The following EPHA6 variants were observed in gnomAD, a reference collection of about 807,000 sequenced individuals.
EPHA6 encodes ephrin type-A receptor 6.
EPHA6 carries 50 observed loss-of-function variants against 112.0 expected under a neutral mutation model. That is an observed-to-expected ratio of 0.45 (90% CI 0.36 to 0.56). The LOEUF is 0.56. EPHA6 is among the 20% of genes least tolerant of loss of function. The probability of loss-of-function intolerance (pLI) is 0.00; values close to 1 mark genes in which losing one functional copy is unlikely to be tolerated. For synonymous variants in EPHA6, 529 were observed against 490.7 expected (o/e 1.08, Z -1.03); for missense variants, 1,280 against 1,417.4 (o/e 0.90, Z 1.56).
At chr3:96,868,202 G>A (rs2107460896) in intron 2 of EPHA6, among the ~76,000 whole-genome samples, 1 of 151,522 alleles carries the variant, frequency 6.6e-6, no homozygotes. Flanking sequence ...GAGTGTGTGT[G>A]TGTGTGTGTG....
intron 1 of EPHA6, among the ~76,000 whole-genome samples, chr3:96,834,073 C>CA (rs1179097034): frequency 3.3e-5 from 5 of 151,644 alleles, no homozygotes; most frequent in African/African-American, 1.2e-4. Flanking sequence ...ATTTAAATGT[C>CA]AAAAAAAGCA....
intron 15 of EPHA6, among the ~76,000 whole-genome samples, chr3:97,720,956 A>T (rs1428974052): frequency 6.6e-6 from 1 of 152,206 alleles, no homozygotes; most frequent in African/African-American, 2.4e-5. Flanking sequence ...AATATTATAG[A>T]ACAGGAGAAT....
At chr3:97,617,270 G>A (rs2093774689) in intron 13 of EPHA6, among the ~76,000 whole-genome samples, 1 of 152,050 alleles carries the variant, frequency 6.6e-6, no homozygotes, top group South Asian at 2.1e-4. Context: ...AAGAGCTCCT[G>A]AAGGAAGCCT....
At chr3:97,339,700 T>TATTG (rs2083214437) in intron 5 of EPHA6, among the ~76,000 whole-genome samples, 1 of 152,186 alleles carries the variant, frequency 6.6e-6, no homozygotes, top group Non-Finnish European at 1.5e-5. Context: ...ATCAAACCTA[T>TATTG]ATTGGTACGA....
chr3:97,311,960 A>T lies in EPHA6; in HGVS notation c.1606+67673A>T, dbSNP rs186360979. 1.5e-3 allele frequency among the ~76,000 whole-genome samples: 222 copies of T among 151,808 alleles called. 1 individual carries two copies. The highest frequency in any genetic ancestry group is 5.1e-3 in the African/African-American group (211 of 41,518). Reference sequence around the variant, plus strand: ...AACAATATTTAGTCTTCCAATCACTATAGTTCATTTCTCCACATACTTAGA... The same window carrying T: ...AACAATATTTAGTCTTCCAATCACTTTAGTTCATTTCTCCACATACTTAGA... On this transcript the variant is annotated intron_variant, in intron 5 of 17. Coordinates refer to ENST00000389672, the MANE Select transcript of EPHA6 (RefSeq NM_001080448.3).
chr3:96,829,949 G>GCACACA (rs67227502), intron 1 of EPHA6, among the ~76,000 whole-genome samples: 16,967 of 135,786 alleles, frequency 0.12, 1,113 homozygotes, highest in Middle Eastern at 0.19. Context: ...GCGCGCGCGC[G>GCACACA]CACACACACA....
chr3:97,584,636 A>G (rs1250895476), intron 11 of EPHA6, among the ~76,000 whole-genome samples: 1 of 152,160 alleles, frequency 6.6e-6, no homozygotes, highest in Non-Finnish European at 1.5e-5. Context: ...AGAGAAGAGA[A>G]TAGCAAGTAA....
chr3:97,442,058 G>A (rs1560013528), intron 6 of EPHA6, among the ~76,000 whole-genome samples: 1 of 152,112 alleles, frequency 6.6e-6, no homozygotes, highest in Non-Finnish European at 1.5e-5. Context: ...AAAAAAAGGA[G>A]TAGATTAAAA....
At chr3:97,064,892 A>T (rs962510773) in intron 3 of EPHA6, among the ~76,000 whole-genome samples, 4 of 152,088 alleles carry the variant, frequency 2.6e-5, no homozygotes, top group African/African-American at 7.2e-5. Context: ...CTTCCTTTTG[A>T]CTGTTCTCAG....
intron 3 of EPHA6, among the ~76,000 whole-genome samples, chr3:97,172,709 T>C (rs1052251959): frequency 2.0e-5 from 3 of 151,960 alleles, no homozygotes; most frequent in Non-Finnish European, 4.4e-5. Flanking sequence ...AAAAGTGTCA[T>C]ATCCTAAAGA....
intron 3 of EPHA6, among the ~76,000 whole-genome samples, chr3:97,098,809 G>A (rs956694192): frequency 1.3e-5 from 2 of 151,830 alleles, no homozygotes; most frequent in African/African-American, 2.4e-5. Context: ...TTATGCTGCT[G>A]TGTCCACAAC....
chr3:97,054,160 T>A (rs921960553), intron 3 of EPHA6, among the ~76,000 whole-genome samples: 1 of 138,768 alleles, frequency 7.2e-6, no homozygotes, highest in African/African-American at 3.1e-5. Flanking sequence ...GACATAACTA[T>A]CTAACACACA....
At chr3:97,272,652 CA>C (rs2079927725) in intron 5 of EPHA6, among the ~76,000 whole-genome samples, 1 of 148,058 alleles carries the variant, frequency 6.8e-6, no homozygotes, top group South Asian at 2.1e-4. Flanking sequence ...CTCTGGCAGG[CA>C]GGGGTGGGGG....
At chr3:96,912,944 A>T (rs898720050) in intron 2 of EPHA6, among the ~76,000 whole-genome samples, 23 of 152,064 alleles carry the variant, frequency 1.5e-4, no homozygotes, top group African/African-American at 5.6e-4. Flanking sequence ...ATAGTAACTT[A>T]AAAAAATGTA....
intron 14 of EPHA6, among the ~76,000 whole-genome samples, chr3:97,714,147 G>T (rs985451329): frequency 6.6e-6 from 1 of 152,168 alleles, no homozygotes; most frequent in African/African-American, 2.4e-5. Context: ...CCACATGAAG[G>T]AATTGAGATG....
At chr3:97,547,418 C>T (rs2092968056) in intron 11 of EPHA6, among the ~76,000 whole-genome samples, 1 of 152,156 alleles carries the variant, frequency 6.6e-6, no homozygotes, top group Non-Finnish European at 1.5e-5. Context: ...CTGATTGTTC[C>T]TCTGAAAGTT....
At chr3:96,904,306 A>G (rs2038797359) in intron 2 of EPHA6, among the ~76,000 whole-genome samples, 1 of 151,910 alleles carries the variant, frequency 6.6e-6, no homozygotes, top group Admixed American at 6.6e-5. Flanking sequence ...TGTCCTTTAT[A>G]GGGACATGGA....
chr3:97,440,446 T>G (rs1198693475), intron 6 of EPHA6, among the ~76,000 whole-genome samples: 4 of 151,798 alleles, frequency 2.6e-5, no homozygotes, highest in African/African-American at 9.7e-5. Context: ...TTTAAACACT[T>G]AAAAGCATTC....
chr3:96,961,672 TAAG>T (rs2041953393), intron 2 of EPHA6, among the ~76,000 whole-genome samples: 1 of 152,164 alleles, frequency 6.6e-6, no homozygotes, highest in South Asian at 2.1e-4. Context: ...TTACTACAGG[TAAG>T]AATGTTGGCA....
Sources: allele counts gnomAD v4.1 joint callset (sites outside exome capture counted in the v4.1 genomes callset), GRCh38; gene constraint gnomAD v4.1.1; transcripts MANE v1.5; gene names NCBI Gene and HGNC (gene_info 2026-07-23, HGNC 2026-07-21).